Variants in BLTP3B observed in about 807,000 individuals in gnomAD.
BLTP3B encodes the protein UHRF1 (ICBP90) binding protein 1-like.
chr12:100,076,082 C>T, the BLTP3B span, among the ~76,000 whole-genome samples: 4 of 151,100 alleles, frequency 2.6e-5, no homozygotes, highest in African/African-American at 9.7e-5. Context: ...AACAAACCTG[C>T]ACATGTACCC....
the BLTP3B span, among the ~76,000 whole-genome samples, chr12:100,088,724 A>G: frequency 5.0e-4 from 76 of 152,336 alleles, no homozygotes; most frequent in Admixed American, 1.2e-3. Context: ...AAGCTTAAGT[A>G]CTGCTAAAGC....
At chr12:100,110,939 C>T in the BLTP3B span, among the ~76,000 whole-genome samples, 1 of 151,936 alleles carries the variant, frequency 6.6e-6, no homozygotes, top group Non-Finnish European at 1.5e-5. Context: ...TAGTCTTGGG[C>T]ATGGAGGAAT....
the BLTP3B span, among the ~76,000 whole-genome samples, chr12:100,050,820 T>A: frequency 6.6e-6 from 1 of 150,870 alleles, no homozygotes; most frequent in Non-Finnish European, 1.5e-5. Context: ...TCTAAAAAAA[T>A]AAAAATAAAA....
chr12:100,068,214 C>T, the BLTP3B span, among the ~76,000 whole-genome samples: 178 of 152,304 alleles, frequency 1.2e-3, no homozygotes, highest in African/African-American at 4.1e-3. Context: ...GCTAACTGAT[C>T]TTCAACAAGG....
the BLTP3B span, chr12:100,047,912 C>G: frequency 2.1e-6 from 3 of 1,411,932 alleles, no homozygotes; most frequent in Non-Finnish European, 2.8e-6. Context: ...GGAAAAGGAA[C>G]ATGAAAATAT....
At chr12:100,116,169 C>CAAA in the BLTP3B span, among the ~76,000 whole-genome samples, 2,442 of 106,970 alleles carry the variant, frequency 0.023, 84 homozygotes, top group African/African-American at 0.066. Flanking sequence ...GAGACTGTCT[C>CAAA]AAAAAAAAAA....
chr12:100,142,872 C>T, the BLTP3B span: 1 of 487,062 alleles, frequency 2.1e-6, no homozygotes, highest in Non-Finnish European at 3.5e-6. Flanking sequence ...ACCTAAGAGA[C>T]TCGGTGGAGG....
chr12:100,073,996 A>G, the BLTP3B span, among the ~76,000 whole-genome samples: 1 of 152,134 alleles, frequency 6.6e-6, no homozygotes. Context: ...TCCTACTCAA[A>G]ATAGTACTGG....
chr12:100,056,658 C>T, the BLTP3B span, among the ~76,000 whole-genome samples: 2 of 151,236 alleles, frequency 1.3e-5, no homozygotes, highest in African/African-American at 2.4e-5. Context: ...GCCAACATGA[C>T]GAAACCCCAT....
chr12:100,091,173 C>A, the BLTP3B span, among the ~76,000 whole-genome samples: 1 of 148,286 alleles, frequency 6.7e-6, no homozygotes, highest in Non-Finnish European at 1.5e-5. Flanking sequence ...TGCACCATCA[C>A]GCCTGGCTAA....
At chr12:100,128,914 T>A in the BLTP3B span, among the ~76,000 whole-genome samples, 1 of 152,206 alleles carries the variant, frequency 6.6e-6, no homozygotes, top group Non-Finnish European at 1.5e-5. Context: ...AAGATTTTCT[T>A]CATTTTCTCT....
the BLTP3B span, among the ~76,000 whole-genome samples, chr12:100,063,924 C>A: frequency 4.6e-5 from 7 of 151,956 alleles, no homozygotes; most frequent in African/African-American, 1.7e-4. Context: ...AGCAATGGAC[C>A]CAAACCAAGA....
the BLTP3B span, among the ~76,000 whole-genome samples, chr12:100,129,501 A>G: frequency 1.3e-5 from 2 of 152,254 alleles, no homozygotes. Context: ...GAACAAGACA[A>G]GCAAAGTCCC....
chr12:100,058,674 T>C, the BLTP3B span: 3 of 1,614,088 alleles, frequency 1.9e-6, no homozygotes, highest in Non-Finnish European at 2.5e-6. Flanking sequence ...AAGAGCCAGT[T>C]CTGCACTTCT....
At chr12:100,068,890 TG>T in the BLTP3B span, among the ~76,000 whole-genome samples, 1 of 152,274 alleles carries the variant, frequency 6.6e-6, no homozygotes, top group East Asian at 1.9e-4. Context: ...ACACCGCTGG[TG>T]GGAATATAAA....
the BLTP3B span, among the ~76,000 whole-genome samples, chr12:100,105,580 T>C: frequency 6.6e-6 from 1 of 152,196 alleles, no homozygotes; most frequent in East Asian, 1.9e-4. Context: ...TCTGAAACCA[T>C]AAAAACTGTG....
chr12:100,077,931 G>A, the BLTP3B span, among the ~76,000 whole-genome samples: 42 of 151,934 alleles, frequency 2.8e-4, no homozygotes, highest in South Asian at 2.1e-4. Flanking sequence ...CTGTAGTTCC[G>A]TAAAGCAAAA....
the BLTP3B span, among the ~76,000 whole-genome samples, chr12:100,071,367 C>T: frequency 6.6e-6 from 1 of 151,770 alleles, no homozygotes; most frequent in African/African-American, 2.4e-5. Flanking sequence ...AGTGTTGGCA[C>T]ACACATGTAG....
chr12:100,136,429 T>C, the BLTP3B span, among the ~76,000 whole-genome samples: 1 of 152,214 alleles, frequency 6.6e-6, no homozygotes, highest in African/African-American at 2.4e-5. Context: ...ATGCTTCTTA[T>C]ATTAGAATAG....
Sources: allele counts gnomAD v4.1 joint callset (sites outside exome capture counted in the v4.1 genomes callset), GRCh38; gene constraint gnomAD v4.1.1; transcripts MANE v1.5; gene names NCBI Gene and HGNC (gene_info 2026-07-23, HGNC 2026-07-21).